ACTR3C: variants seen among roughly 807,000 people sequenced by gnomAD.
The protein encoded by ACTR3C is actin-related protein 3C.
ACTR3C carries 18 observed loss-of-function variants against 26.3 expected under a neutral mutation model. That is an observed-to-expected ratio of 0.68 (90% CI 0.47 to 1.01). ACTR3C has a LOEUF of 1.01. ACTR3C is among the 50% of genes least tolerant of loss of function. ACTR3C has a pLI of 0.00. For missense variants in ACTR3C, 184 were observed against 250.7 expected (o/e 0.73, Z 1.80); for synonymous variants, 55 against 94.5 (o/e 0.58, Z 2.42).
chr7:150,175,833 A>C, the ACTR3C span, among the ~76,000 whole-genome samples: 7 of 141,834 alleles, frequency 4.9e-5, no homozygotes, highest in African/African-American at 2.1e-4. Flanking sequence ...AAAAAAAAAA[A>C]AAGAAAGAAA....
At chr7:149,889,995 C>A in the ACTR3C span, among the ~76,000 whole-genome samples, 3 of 152,284 alleles carry the variant, frequency 2.0e-5, no homozygotes, top group South Asian at 6.2e-4. Flanking sequence ...GAAAAAAAAT[C>A]AAAGACTGGC....
At chr7:149,885,216 C>T in the ACTR3C span, among the ~76,000 whole-genome samples, 2 of 152,220 alleles carry the variant, frequency 1.3e-5, no homozygotes, top group South Asian at 2.1e-4. Flanking sequence ...AGAACCTCAA[C>T]CCCTCAAGGG....
At chr7:149,984,648 T>A in the ACTR3C span, among the ~76,000 whole-genome samples, 8 of 151,766 alleles carry the variant, frequency 5.3e-5, no homozygotes, top group Non-Finnish European at 1.0e-4. Context: ...GGGTGTGTGA[T>A]GGGAATTGTA....
At chr7:150,029,325 C>T in the ACTR3C span, among the ~76,000 whole-genome samples, 4 of 148,340 alleles carry the variant, frequency 2.7e-5, no homozygotes, top group Non-Finnish European at 4.4e-5. Context: ...TTTGGGAGAC[C>T]GAGGTGGGAG....
At chr7:150,043,397 C>A in the ACTR3C span, among the ~76,000 whole-genome samples, 27 of 152,080 alleles carry the variant, frequency 1.8e-4, no homozygotes, top group African/African-American at 6.3e-4. Flanking sequence ...TCAACCACCA[C>A]GAAATGGGAG....
chr7:150,175,836 G>A, the ACTR3C span, among the ~76,000 whole-genome samples: 1,334 of 131,460 alleles, frequency 0.01, 50 homozygotes, highest in African/African-American at 0.027. Flanking sequence ...AAAAAAAAAA[G>A]AAAGAAAGGA....
chr7:150,025,956 C>T, the ACTR3C span, among the ~76,000 whole-genome samples: 4 of 152,270 alleles, frequency 2.6e-5, no homozygotes, highest in East Asian at 1.9e-4. Flanking sequence ...TTCGAACTCT[C>T]GCTGACTGCG....
At chr7:149,890,370 TCTC>T in the ACTR3C span, among the ~76,000 whole-genome samples, 4 of 149,730 alleles carry the variant, frequency 2.7e-5, no homozygotes, top group Non-Finnish European at 5.9e-5. Context: ...AGATATTTCT[TCTC>T]ATTTATCTGT....
Position 150,284,851 on chromosome 7 carries a change from T to C in ACTR3C, c.472-6A>G. 1 of 1,607,142 alleles carries C rather than the reference T, an allele frequency of 6.2e-7. No homozygotes were observed. Among genetic ancestry groups the C allele is most frequent in the Non-Finnish European group, 8.5e-7 (1 of 1,177,350 alleles). ...ATAGAGTCTGGGTTGGCAAACTGAA[T>C]TGTATATCAATATAAAAGAAACATT... On this transcript the variant is annotated splice_polypyrimidine_tract_variant and splice_region_variant and intron_variant, in intron 5 of 7. Transcript: ENST00000683684.
At chr7:150,314,262 T>C (rs1796602782) in intron 1 of ACTR3C, among the ~76,000 whole-genome samples, 1 of 152,224 alleles carries the variant, frequency 6.6e-6, no homozygotes, top group South Asian at 2.1e-4. Context: ...GTCAGCCTTG[T>C]TCCTGGATTT....
the ACTR3C span, among the ~76,000 whole-genome samples, chr7:150,029,603 C>T: frequency 6.6e-6 from 1 of 152,000 alleles, no homozygotes; most frequent in Non-Finnish European, 1.5e-5. Context: ...TCTTACACTG[C>T]TCTCCTTCTT....
chr7:149,943,207 C>G, the ACTR3C span, among the ~76,000 whole-genome samples: 4,432 of 111,486 alleles, frequency 0.04, 152 homozygotes, highest in African/African-American at 0.11. Context: ...GTAGTTGATA[C>G]AAAAACTGTA....
the ACTR3C span, among the ~76,000 whole-genome samples, chr7:150,139,341 G>A: frequency 7.2e-6 from 1 of 139,716 alleles, no homozygotes; most frequent in South Asian, 2.1e-4. Flanking sequence ...GACTGGCCCT[G>A]GTAAAAAAAA....
chr7:150,275,806 G>A (rs2129611373), intron 6 of ACTR3C, among the ~76,000 whole-genome samples: 1 of 152,196 alleles, frequency 6.6e-6, no homozygotes, highest in South Asian at 2.1e-4. Context: ...AATTGAACAT[G>A]AATTTTAGAT....
the ACTR3C span, among the ~76,000 whole-genome samples, chr7:150,034,910 AC>A: frequency 3.7e-5 from 4 of 108,592 alleles, no homozygotes; most frequent in Admixed American, 2.0e-4. Context: ...TGCCTCCCCC[AC>A]CCTGCGATGG....
At chr7:150,064,496 C>T in the ACTR3C span, among the ~76,000 whole-genome samples, 3 of 148,448 alleles carry the variant, frequency 2.0e-5, no homozygotes, top group Non-Finnish European at 3.0e-5. Flanking sequence ...ACCTGTGAGG[C>T]GGAGGTTGCA....
chr7:150,202,757 C>A, the ACTR3C span, among the ~76,000 whole-genome samples: 1 of 152,120 alleles, frequency 6.6e-6, no homozygotes, highest in Non-Finnish European at 1.5e-5. Flanking sequence ...ATTGGCTAGA[C>A]CTCTGGAGAC....
the ACTR3C span, among the ~76,000 whole-genome samples, chr7:150,039,398 G>T: frequency 3.0e-5 from 2 of 67,712 alleles, no homozygotes; most frequent in African/African-American, 1.0e-4. Flanking sequence ...ACCCGGGGGG[G>T]AAGAGGGACT....
chr7:149,963,686 G>A, the ACTR3C span, among the ~76,000 whole-genome samples: 1 of 152,176 alleles, frequency 6.6e-6, no homozygotes, highest in African/African-American at 2.4e-5. Flanking sequence ...GAAGTAACAG[G>A]AAGCAATGCA....
Sources: allele counts gnomAD v4.1 joint callset (sites outside exome capture counted in the v4.1 genomes callset), GRCh38; gene constraint gnomAD v4.1.1; transcripts MANE v1.5; gene names NCBI Gene and HGNC (gene_info 2026-07-23, HGNC 2026-07-21).